The following MALRD1 variants were observed in gnomAD, a reference collection of about 807,000 sequenced individuals.
The protein encoded by MALRD1 is MAM and LDL receptor class A domain containing 1, also known as MAM and LDL-receptor class A domain-containing protein 1.
A neutral mutation model predicts 242.1 loss-of-function variants in MALRD1; 247 were observed. That is an observed-to-expected ratio of 1.02 (90% confidence interval 0.92 to 1.13). The LOEUF (loss-of-function observed/expected upper bound fraction) is 1.13. Among genes scored for constraint, MALRD1 ranks in the 50% most tolerant of loss-of-function variants. The pLI is 0.00. For synonymous variants in MALRD1, 995 were observed against 866.6 expected (o/e 1.15, Z -2.60); for missense variants, 2,989 against 2,533.1 (o/e 1.18, Z -3.86).
chr10:19,651,752 G>T (rs1229074934), intron 36 of MALRD1, among the ~76,000 whole-genome samples: 1 of 152,196 alleles, frequency 6.6e-6, no homozygotes, highest in Non-Finnish European at 1.5e-5. Context: ...AAGCACTGTA[G>T]AAAGAATGCC....
chr10:19,734,101 T>G (rs1056200959), intron 39 of MALRD1, 56 bp from the exon 40 acceptor site: 31 of 1,373,358 alleles, frequency 2.3e-5, no homozygotes, highest in Non-Finnish European at 3.0e-5. Context: ...CTTTAAAGAG[T>G]TTTCTTATCT....
intron 2 of MALRD1, among the ~76,000 whole-genome samples, chr10:19,082,156 C>A (rs980500424): frequency 7.3e-5 from 11 of 151,238 alleles, no homozygotes; most frequent in Admixed American, 6.6e-4. Context: ...TATTAATATC[C>A]TTTTCTTTTT....
intron 32 of MALRD1, among the ~76,000 whole-genome samples, chr10:19,552,034 T>C (rs1835494695): frequency 6.6e-6 from 1 of 152,156 alleles, no homozygotes; most frequent in African/African-American, 2.4e-5. Flanking sequence ...TCATCAAAGA[T>C]ATTGGCCTGA....
chr10:19,095,435 A>G (rs928353815), intron 4 of MALRD1, among the ~76,000 whole-genome samples: 1 of 152,194 alleles, frequency 6.6e-6, no homozygotes, highest in African/African-American at 2.4e-5. Flanking sequence ...CTGAGACTGT[A>G]CTCTGTTGAA....
intron 36 of MALRD1, among the ~76,000 whole-genome samples, chr10:19,663,747 C>T (rs1314043028): frequency 1.3e-5 from 2 of 152,092 alleles, no homozygotes; most frequent in Non-Finnish European, 2.9e-5. Flanking sequence ...AGGTGAACTG[C>T]TTTCAGACCA....
intron 29 of MALRD1, among the ~76,000 whole-genome samples, chr10:19,473,471 C>G (rs974781835): frequency 6.6e-6 from 1 of 151,248 alleles, no homozygotes; most frequent in Non-Finnish European, 1.5e-5. Flanking sequence ...TTGACAATAA[C>G]GCATCATTTT....
chr10:19,501,774 G>T (rs965551478), intron 31 of MALRD1, among the ~76,000 whole-genome samples: 2 of 152,116 alleles, frequency 1.3e-5, no homozygotes, highest in African/African-American at 4.8e-5. Context: ...GCTCATGCCT[G>T]TAATCCCAGC....
chr10:19,570,674 G>A (rs1187457566), intron 33 of MALRD1, among the ~76,000 whole-genome samples: 3 of 151,996 alleles, frequency 2.0e-5, no homozygotes. Context: ...ACAAGAGTCT[G>A]TTGTTAAGTG....
chr10:19,063,616 T>G (rs1207320350), intron 1 of MALRD1, among the ~76,000 whole-genome samples: 1 of 148,966 alleles, frequency 6.7e-6, no homozygotes, highest in Admixed American at 7.0e-5. Flanking sequence ...GGACATGAAC[T>G]CATCATTTTT....
chr10:19,612,585 C>G (rs575444708), intron 35 of MALRD1, among the ~76,000 whole-genome samples: 18 of 151,842 alleles, frequency 1.2e-4, no homozygotes, highest in Non-Finnish European at 2.4e-4. Flanking sequence ...TCTCACACTG[C>G]TATAAAGACA....
intron 5 of MALRD1, among the ~76,000 whole-genome samples, chr10:19,110,559 T>C (rs1033230485): frequency 1.2e-4 from 19 of 152,208 alleles, no homozygotes; most frequent in Non-Finnish European, 5.9e-5. Flanking sequence ...TTTATTGGAC[T>C]TATCAAAAGG....
intron 36 of MALRD1, among the ~76,000 whole-genome samples, chr10:19,684,270 A>C (rs564405202): frequency 5.0e-4 from 76 of 152,216 alleles, no homozygotes; most frequent in Non-Finnish European, 9.0e-4. Context: ...AAATGAGGAA[A>C]TAATTCTGAC....
chr10:19,405,044 A>G (rs2130865182), intron 28 of MALRD1, among the ~76,000 whole-genome samples: 1 of 152,290 alleles, frequency 6.6e-6, no homozygotes, highest in Non-Finnish European at 1.5e-5. Flanking sequence ...GACAACAAAA[A>G]AACCTGTGAA....
chr10:19,229,553 G>A (rs546766578), intron 18 of MALRD1, among the ~76,000 whole-genome samples: 6 of 152,128 alleles, frequency 3.9e-5, no homozygotes, highest in African/African-American at 1.4e-4. Flanking sequence ...AACTTGATTT[G>A]CATTTGTTGT....
intron 31 of MALRD1, among the ~76,000 whole-genome samples, chr10:19,505,071 G>C (rs557665267): frequency 6.6e-5 from 10 of 152,168 alleles, no homozygotes; most frequent in Non-Finnish European, 1.2e-4. Flanking sequence ...GAGGAGCTGG[G>C]GCAGAAAAAG....
intron 36 of MALRD1, among the ~76,000 whole-genome samples, chr10:19,658,594 C>G (rs1841284188): frequency 6.6e-6 from 1 of 152,146 alleles, no homozygotes; most frequent in Non-Finnish European, 1.5e-5. Flanking sequence ...AATAACTGCT[C>G]TGTCAAAAGC....
intron 28 of MALRD1, among the ~76,000 whole-genome samples, chr10:19,439,673 A>T (rs1489745003): frequency 2.0e-5 from 3 of 152,160 alleles, no homozygotes; most frequent in African/African-American, 4.8e-5. Flanking sequence ...ATACAGTTTT[A>T]TTTCTTTATT....
At chr10:19,377,977 A>G (rs1411986719) in intron 26 of MALRD1, among the ~76,000 whole-genome samples, 1 of 152,164 alleles carries the variant, frequency 6.6e-6, no homozygotes, top group African/African-American at 2.4e-5. Context: ...ATTTTTGTCA[A>G]TCAAGAATTC....
intron 21 of MALRD1, among the ~76,000 whole-genome samples, chr10:19,314,222 A>G (rs973592342): frequency 2.6e-5 from 4 of 151,614 alleles, no homozygotes; most frequent in East Asian, 1.9e-4. Flanking sequence ...TATGTAGTCA[A>G]TGAATTGATA....
Sources: gnomAD v4.1 joint callset for allele counts (sites outside exome capture counted in the v4.1 genomes callset) on GRCh38, gnomAD v4.1.1 for gene constraint, MANE v1.5 for transcripts, NCBI Gene and HGNC (gene_info 2026-07-23, HGNC 2026-07-21) for gene names.